Variants in OPRM1 observed in about 807,000 individuals in gnomAD.
The protein encoded by OPRM1 is mu-type opioid receptor.
In OPRM1, 27 loss-of-function variants were observed where a neutral mutation model predicts 31.8. The ratio of observed to expected loss-of-function variants is 0.85; its 90% CI spans 0.63 to 1.17. The LOEUF (loss-of-function observed/expected upper bound fraction) is 1.17. Among genes scored for constraint, OPRM1 ranks in the 50% most tolerant of loss-of-function variants. OPRM1 has a pLI of 0.00. For missense variants in OPRM1, 536 were observed against 511.1 expected (o/e 1.05, Z -0.47); for synonymous variants, 196 against 189.9 (o/e 1.03, Z -0.26).
chr6:154,209,696 A>G (rs1777808766), intron 3 of OPRM1, among the ~76,000 whole-genome samples: 1 of 152,080 alleles, frequency 6.6e-6, no homozygotes, highest in Admixed American at 6.5e-5. Flanking sequence ...ATCTGTTTAA[A>G]TAAAAAGCCT....
At chr6:154,152,347 G>GAAAGAAAGAAAAGAAAGAAAGAAAGAAA in intron 3 of OPRM1, among the ~76,000 whole-genome samples, 10 of 65,202 alleles carry the variant, frequency 1.5e-4, no homozygotes, top group South Asian at 1.3e-3. Context: ...AAGAAAGAAA[G>GAAAGAAAGAAAAGAAAGAAAGAAAGAAA]GAAAGAAAGA....
intron 3 of OPRM1, among the ~76,000 whole-genome samples, chr6:154,216,448 CTTAA>C (rs66579098): frequency 0.2 from 30,792 of 152,026 alleles, 3,809 homozygotes; most frequent in Admixed American, 0.39. Context: ...CTAATATACT[CTTAA>C]TTGAGAAGAT....
At chr6:154,177,532 G>T (rs2128563253) in intron 3 of OPRM1, among the ~76,000 whole-genome samples, 1 of 152,316 alleles carries the variant, frequency 6.6e-6, no homozygotes, top group Middle Eastern at 3.4e-3. Flanking sequence ...ACAGACATAT[G>T]AAAAAATGCT....
intron 3 of OPRM1, among the ~76,000 whole-genome samples, chr6:154,192,755 C>G (rs9479788): frequency 6.6e-6 from 1 of 151,862 alleles, no homozygotes; most frequent in Non-Finnish European, 1.5e-5. Context: ...CCAACAAACA[C>G]GAAGAAATGT....
chr6:154,134,995 A>T (rs1263451425), downstream of OPRM1, among the ~76,000 whole-genome samples: 1 of 152,228 alleles, frequency 6.6e-6, no homozygotes, highest in East Asian at 1.9e-4. Context: ...TGGGTTTCCC[A>T]GAGCCAGTCT....
intron 3 of OPRM1, among the ~76,000 whole-genome samples, chr6:154,103,050 A>C (rs1795094411): frequency 6.6e-6 from 1 of 152,176 alleles, no homozygotes; most frequent in Non-Finnish European, 1.5e-5. Flanking sequence ...TAAGAAAAAA[A>C]TTAAAGGCCA....
chr6:154,129,472 A>G lies in OPRM1; in HGVS notation c.*10751A>G, dbSNP rs1484743526. Among the ~76,000 whole-genome samples, 1 of 152,208 alleles carries G rather than the reference A, an allele frequency of 6.6e-6. No individual in the cohort carries two copies. The highest frequency in any genetic ancestry group is 1.5e-5 in the Non-Finnish European group (1 of 68,030). On this transcript the variant is annotated 3_prime_UTR_variant, in exon 4 of 4. Transcript: ENST00000330432. ...ACTGAATATGAAACAATATAAAACA[A>G]TGTGAGAGGGTCTTTCTCTCCTCTC...
At chr6:154,096,476 T>C (rs1381724111) in intron 3 of OPRM1, among the ~76,000 whole-genome samples, 1 of 152,076 alleles carries the variant, frequency 6.6e-6, no homozygotes, top group Non-Finnish European at 1.5e-5. Flanking sequence ...TAGAGTTTGG[T>C]GCAAAAGTAA....
At position 154,132,324 on chromosome 6, in the gene OPRM1, T is replaced by C. The variant is rs1012468083; in HGVS notation, c.*13603T>C. Among the ~76,000 whole-genome samples, 9 of 152,220 alleles carry C rather than the reference T, an allele frequency of 5.9e-5. No individual in the cohort carries two copies. Among genetic ancestry groups the C allele is most frequent in the African/African-American group, 2.2e-4 (9 of 41,456 alleles). ...GCATGTAATATGTAATGTGTAATTA[T>C]ATGTGATAAATAAAACCTAAAACTG... On this transcript the variant is annotated 3_prime_UTR_variant, in exon 4 of 4. Transcript: ENST00000330432.
intron 3 of OPRM1, chr6:154,093,187 A>T: frequency 6.6e-6 from 8 of 1,212,860 alleles, no homozygotes; most frequent in Non-Finnish European, 8.2e-6. Context: ...TCAGCTAAGG[A>T]TAAAATATTT....
At chr6:154,051,984 A>G (rs1297397246) in intron 1 of OPRM1, among the ~76,000 whole-genome samples, 2 of 152,238 alleles carry the variant, frequency 1.3e-5, no homozygotes, top group Non-Finnish European at 2.9e-5. Context: ...ACACCATGGA[A>G]TACTATGCAG....
intron 1 of OPRM1, among the ~76,000 whole-genome samples, chr6:154,047,173 TC>T (rs1339424173): frequency 2.0e-5 from 3 of 148,900 alleles, no homozygotes; most frequent in Non-Finnish European, 3.0e-5. Context: ...CATGTTTCAT[TC>T]CCCCCACCCC....
Position 154,039,241 on chromosome 6 carries a change from T to C in OPRM1, c.-304T>C. 1 of 1,551,478 alleles carries C rather than the reference T, an allele frequency of 6.4e-7. No individual in the cohort carries two copies. The highest frequency in any genetic ancestry group is 1.2e-5 in the South Asian group (1 of 84,042). On this transcript the variant is annotated 5_prime_UTR_variant, in exon 1 of 4. Coordinates refer to ENST00000330432, the MANE Select transcript of OPRM1 (RefSeq NM_000914.5). ...CGCAAAATCCACCCCTTTTCCCTCC[T>C]CCCTCCCTTCCAGCCTCCGAATCCC... is the stretch of plus-strand genomic sequence containing the variant.
chr6:154,160,792 G>A (rs1372617482), intron 3 of OPRM1, among the ~76,000 whole-genome samples: 1 of 152,166 alleles, frequency 6.6e-6, no homozygotes, highest in African/African-American at 2.4e-5. Flanking sequence ...ATCTATGCCT[G>A]TTTTCTCCAT....
intron 1 of OPRM1, among the ~76,000 whole-genome samples, chr6:154,077,740 T>A (rs957110421): frequency 6.6e-6 from 1 of 151,606 alleles, no homozygotes; most frequent in East Asian, 2.0e-4. Context: ...AAAAAAATAA[T>A]TAATTAATTA....
At chr6:154,245,988 T>C (rs1404352540) in intron 3 of OPRM1, among the ~76,000 whole-genome samples, 1 of 152,214 alleles carries the variant, frequency 6.6e-6, no homozygotes, top group Non-Finnish European at 1.5e-5. Flanking sequence ...TTTTCAAATG[T>C]TGTCTAAGCA....
chr6:154,108,757 C>T, intron 3 of OPRM1: 2 of 985,112 alleles, frequency 2.0e-6, no homozygotes, highest in Non-Finnish European at 2.4e-6. Context: ...GGGCCTCTAA[C>T]CCCGCTTTAT....
chr6:154,045,811 A>G (rs1388998761), intron 1 of OPRM1, among the ~76,000 whole-genome samples: 1 of 152,220 alleles, frequency 6.6e-6, no homozygotes. Context: ...AGTTCAGGAA[A>G]GTTCCCTTGA....
chr6:154,147,648 C>T (rs1178095337), intron 3 of OPRM1, among the ~76,000 whole-genome samples: 3 of 152,206 alleles, frequency 2.0e-5, no homozygotes, highest in Non-Finnish European at 4.4e-5. Context: ...AATCCTACCT[C>T]CTCATGATTA....
Sources: allele counts gnomAD v4.1 joint callset (sites outside exome capture counted in the v4.1 genomes callset), GRCh38; gene constraint gnomAD v4.1.1; transcripts MANE v1.5; gene names NCBI Gene and HGNC (gene_info 2026-07-23, HGNC 2026-07-21).